Variants in FH observed in about 807,000 individuals in gnomAD.
FH encodes fumarate hydratase, mitochondrial.
FH carries 22 observed loss-of-function variants against 49.4 expected under a neutral mutation model. The observed-to-expected ratio is 0.45, with a 90% confidence interval of 0.32 to 0.64. The LOEUF is 0.64. FH is among the 30% of genes least tolerant of loss of function. The probability of loss-of-function intolerance (pLI) is 0.05; values close to 1 mark genes in which losing one functional copy is unlikely to be tolerated. For synonymous variants in FH, 208 were observed against 223.0 expected (o/e 0.93, Z 0.60); for missense variants, 526 against 641.5 (o/e 0.82, Z 1.95).
chr1:241,517,055 TACTC>T (rs1660236821), intron 2 of FH, 123 bp downstream of exon 2: 1 of 1,124,274 alleles, frequency 8.9e-7, no homozygotes, highest in African/African-American at 1.5e-5. Context: ...AACCTCTTAT[TACTC>T]ACGAAGCCAT....
At chr1:241,513,768 T>C in intron 2 of FH, 55 bp from the exon 3 acceptor site, 4 of 1,448,408 alleles carry the variant, frequency 2.8e-6, no homozygotes, top group Non-Finnish European at 3.9e-6. Flanking sequence ...AGCATGGAAG[T>C]TTATTATTTT....
chr1:241,510,979 T>C (rs1408049368), intron 4 of FH, among the ~76,000 whole-genome samples: 1 of 152,206 alleles, frequency 6.6e-6, no homozygotes, highest in Non-Finnish European at 1.5e-5. Context: ...ATTTCTGTGA[T>C]AGTTTTCTCA....
rs75086406 is a variant in FH at position 241,513,679 on chromosome 1, C to T, written c.302G>A (p.Arg101Gln). The change falls in exon 3 of 10, where the codon CGA becomes CAA. Residue 101 changes from arginine to glutamine, a missense_variant. This residue lies in a region of FH where 383 missense variants were observed against 514.0 expected (regional missense o/e 0.75). Transcript: ENST00000366560. ...PVIKAFGILK[R>Q]AAAEVNQDYG... is the part of the protein sequence containing the mutation. ...ATCCTGGTTTACTTCAGCGGCCGCT[C>T]GCTTCAAGATGCCAAAAGCTTTAAT... is the stretch of plus-strand genomic sequence containing the variant. The T allele has an allele frequency of 4.3e-5, 69 of 1,614,038 alleles. No homozygotes were observed. In the East Asian group the frequency reaches 7.6e-4, roughly 18 times the overall value.
At chr1:241,510,961 G>A (rs879448008) in intron 4 of FH, among the ~76,000 whole-genome samples, 3 of 152,024 alleles carry the variant, frequency 2.0e-5, no homozygotes, top group Non-Finnish European at 4.4e-5. Context: ...CAATGAGAAG[G>A]GCCCTTTATT....
intron 9 of FH, among the ~76,000 whole-genome samples, chr1:241,498,217 A>G (rs1659673353): frequency 6.6e-6 from 1 of 152,166 alleles, no homozygotes; most frequent in South Asian, 2.1e-4. Context: ...CTAAGTTGAA[A>G]TTTTCCAGTA....
At chr1:241,508,178 T>C (rs926828493) in intron 5 of FH, among the ~76,000 whole-genome samples, 1 of 152,282 alleles carries the variant, frequency 6.6e-6, no homozygotes, top group East Asian at 1.9e-4. Flanking sequence ...ACGGTGGTGA[T>C]GATGGTAGCT....
At chr1:241,499,127 G>A (rs1659703631) in intron 9 of FH, among the ~76,000 whole-genome samples, 1 of 152,042 alleles carries the variant, frequency 6.6e-6, no homozygotes, top group Non-Finnish European at 1.5e-5. Flanking sequence ...AAGCATTTCA[G>A]CTGTCAAGTC....
At chr1:241,507,032 A>G (rs1171779468) in intron 5 of FH, among the ~76,000 whole-genome samples, 7 of 152,222 alleles carry the variant, frequency 4.6e-5, no homozygotes, top group African/African-American at 1.7e-4. Flanking sequence ...GATATAACTC[A>G]TTATAGGTAG....
Position 241,497,770 on chromosome 1 carries a change from T to C in FH, c.*58A>G. 2.1e-6 allele frequency: 3 copies of C among 1,455,424 alleles called. No individual in the cohort carries two copies. Among genetic ancestry groups the C allele is most frequent in the Non-Finnish European group, 2.8e-6 (3 of 1,066,358 alleles). The allele number at this position is 1,455,424 out of a possible 1,614,324, so 90.2% of individuals were successfully genotyped here. On this transcript the variant is annotated 3_prime_UTR_variant, in exon 10 of 10. Transcript: ENST00000366560. ...TTCAAACTTATCCGTTTTTAAGAAA[T>C]GGGAGTCTGTTTTTTTAAATTTTAT...
At chr1:241,502,117 A>G (rs960125705) in intron 8 of FH, among the ~76,000 whole-genome samples, 5 of 152,202 alleles carry the variant, frequency 3.3e-5, no homozygotes, top group Non-Finnish European at 7.4e-5. Context: ...TGACTACAGC[A>G]TAAATGAAAG....
rs149818615 is a variant in FH, at chr1:241,509,082, A to T, written c.556-297T>A. Among the ~76,000 whole-genome samples, 256 of 149,128 alleles carry T rather than the reference A, an allele frequency of 1.7e-3. 4 individuals are homozygous for T. The East Asian group carries it at 0.032, about 19-fold the overall frequency. ...TGTATTATATAATATATTATGTATTATATTATGTATTACGTATTATATCTG... is the reference window on the plus strand; with the variant it reads ...TGTATTATATAATATATTATGTATTTTATTATGTATTACGTATTATATCTG... On this transcript the variant is annotated intron_variant, in intron 4 of 9. Coordinates refer to ENST00000366560, the MANE Select transcript of FH (RefSeq NM_000143.4).
chr1:241,517,554 G>T (rs888580483), intron 1 of FH, among the ~76,000 whole-genome samples: 1 of 152,046 alleles, frequency 6.6e-6, no homozygotes, highest in Admixed American at 6.5e-5. Flanking sequence ...TACTATGCTG[G>T]TGATAAACAT....
At chr1:241,514,590 A>T (rs1224743857) in intron 2 of FH, among the ~76,000 whole-genome samples, 3 of 152,144 alleles carry the variant, frequency 2.0e-5, no homozygotes, top group Non-Finnish European at 4.4e-5. Context: ...AAAGGAAGAG[A>T]ATGATGAATG....
intron 4 of FH, 91 bp downstream of exon 4, chr1:241,511,876 C>G: frequency 2.4e-6 from 3 of 1,273,922 alleles, no homozygotes; most frequent in Non-Finnish European, 3.4e-6. Flanking sequence ...ATGAACACTT[C>G]TTGTCAAAAA....
chr1:241,511,542 G>T, intron 4 of FH, among the ~76,000 whole-genome samples: 1 of 151,914 alleles, frequency 6.6e-6, no homozygotes, highest in East Asian at 1.9e-4. Flanking sequence ...ACTGAGGAAA[G>T]CCTCAGTTTT....
In FH at chr1:241,517,282, G is replaced by C. The variant is rs1433872618; in HGVS notation, c.167C>G (p.Thr56Ser). 5 of 1,613,930 alleles carry C rather than the reference G, an allele frequency of 3.1e-6. No homozygotes were observed. The highest frequency in any genetic ancestry group is 4.2e-6 in the Non-Finnish European group (5 of 1,180,018). Reference protein sequence around the residue: ...SQNSFRIEYDTFGELKVPNDK... With the variant: ...SQNSFRIEYDSFGELKVPNDK... Reference sequence around the variant, plus strand: ...ATTTGGCACCTTTAGTTCACCAAAGGTATCATATTCTATCCGGAAGGAATT... The same window carrying C: ...ATTTGGCACCTTTAGTTCACCAAAGCTATCATATTCTATCCGGAAGGAATT... The change falls in exon 2 of 10, where the codon ACC (threonine) becomes AGC (serine). Residue 56 changes from threonine to serine, a missense_variant. By Grantham distance (58) the Thr-to-Ser change is moderately conservative (BLOSUM62 1). This residue lies in a region of FH where 143 missense variants were observed against 127.5 expected (regional missense o/e 1.12). Coordinates refer to ENST00000366560, the MANE Select transcript of FH (RefSeq NM_000143.4).
intron 8 of FH, 118 bp downstream of exon 8, chr1:241,502,325 A>G (rs944191775): frequency 2.0e-5 from 22 of 1,119,076 alleles, no homozygotes; most frequent in East Asian, 2.5e-5. Flanking sequence ...TTGACTTCCA[A>G]CTGCTACTTA....
At chr1:241,510,356 CCT>C (rs1167360600) in intron 4 of FH, among the ~76,000 whole-genome samples, 3 of 152,074 alleles carry the variant, frequency 2.0e-5, no homozygotes, top group Admixed American at 1.3e-4. Flanking sequence ...TGGTGGCATG[CCT>C]AAAAGGACAC....
intron 2 of FH, among the ~76,000 whole-genome samples, chr1:241,515,796 T>C (rs1019372189): frequency 2.6e-5 from 4 of 152,220 alleles, no homozygotes; most frequent in African/African-American, 9.6e-5. Context: ...TTAACATCTC[T>C]GAAATCAAGA....
Sources: gnomAD v4.1 joint callset for allele counts (sites outside exome capture counted in the v4.1 genomes callset) on GRCh38, gnomAD v4.1.1 for gene constraint, gnomAD v4.1.1 regional missense constraint, MANE v1.5 for transcripts, NCBI Gene and HGNC (gene_info 2026-07-23, HGNC 2026-07-21) for gene names.